The following ATRNL1 variants were observed in gnomAD, a reference collection of about 807,000 sequenced individuals.
ATRNL1 encodes the protein attractin like 1, also known as attractin-like protein 1.
Under a neutral mutation model 182.7 loss-of-function variants are expected in ATRNL1, and 95 were observed. The ratio of observed to expected loss-of-function variants is 0.52; its 90% CI spans 0.44 to 0.62. The LOEUF is 0.62. ATRNL1 is among the 20% of genes least tolerant of loss of function. The pLI is 0.00. For missense variants in ATRNL1, 1,471 were observed against 1,679.5 expected, an observed-to-expected ratio of 0.88 and a Z score of 2.17; for synonymous variants, 576 against 568.3, an observed-to-expected ratio of 1.01 and a Z score of -0.19.
At chr10:115,448,880 A>T (rs1013400519) in intron 21 of ATRNL1, among the ~76,000 whole-genome samples, 1 of 152,102 alleles carries the variant, frequency 6.6e-6, no homozygotes, top group East Asian at 1.9e-4. Context: ...CAACAACAAC[A>T]ACAACAACAA....
chr10:115,390,245 T>C (rs1216725251), intron 19 of ATRNL1, among the ~76,000 whole-genome samples: 1 of 152,200 alleles, frequency 6.6e-6, no homozygotes, highest in Non-Finnish European at 1.5e-5. Context: ...TGCATGTGCT[T>C]TTGGGAAAAC....
chr10:115,651,201 C>A (rs1859975846), intron 26 of ATRNL1, among the ~76,000 whole-genome samples: 1 of 152,084 alleles, frequency 6.6e-6, no homozygotes, highest in Non-Finnish European at 1.5e-5. Context: ...GTGATCCAGT[C>A]TTTTTATTCA....
chr10:115,377,284 C>T (rs1014716844), intron 19 of ATRNL1, among the ~76,000 whole-genome samples: 11 of 152,054 alleles, frequency 7.2e-5, no homozygotes, highest in South Asian at 2.1e-4. Context: ...ATAAGTCTCA[C>T]GAGGTCTGAT....
chr10:115,799,593 T>C (rs1044237814), intron 27 of ATRNL1, among the ~76,000 whole-genome samples: 1 of 152,180 alleles, frequency 6.6e-6, no homozygotes, highest in Non-Finnish European at 1.5e-5. Flanking sequence ...GCCCCAGAAT[T>C]CTGCCCATCA....
chr10:115,930,347 C>T (rs1953357375), intron 28 of ATRNL1, among the ~76,000 whole-genome samples: 1 of 152,052 alleles, frequency 6.6e-6, no homozygotes, highest in African/African-American at 2.4e-5. Flanking sequence ...TAAACCTCTT[C>T]AGGTCGGATC....
intron 26 of ATRNL1, among the ~76,000 whole-genome samples, chr10:115,632,114 G>A (rs1196921397): frequency 6.6e-6 from 1 of 152,020 alleles, no homozygotes; most frequent in Non-Finnish European, 1.5e-5. Context: ...AAAGAAGAAG[G>A]GAAGAATTAA....
At chr10:115,744,767 G>A (rs782274631) in intron 27 of ATRNL1, among the ~76,000 whole-genome samples, 2 of 152,038 alleles carry the variant, frequency 1.3e-5, no homozygotes, top group African/African-American at 2.4e-5. Flanking sequence ...AGCACTGAAC[G>A]ACAATGTGAT....
At chr10:115,811,300 T>C (rs992486049) in intron 27 of ATRNL1, among the ~76,000 whole-genome samples, 2 of 151,978 alleles carry the variant, frequency 1.3e-5, no homozygotes, top group Non-Finnish European at 2.9e-5. Flanking sequence ...TTAAATTTAT[T>C]TTTAGTTTAT....
chr10:115,848,071 C>A (rs575406287), intron 28 of ATRNL1, 80 bp downstream of exon 28: 2 of 794,022 alleles, frequency 2.5e-6, no homozygotes, highest in East Asian at 5.1e-5. Flanking sequence ...CACTAAATAG[C>A]GCAGTAAGGA....
chr10:115,887,558 C>T (rs1951977644), intron 28 of ATRNL1, among the ~76,000 whole-genome samples: 1 of 152,142 alleles, frequency 6.6e-6, no homozygotes, highest in Non-Finnish European at 1.5e-5. Flanking sequence ...CTAAAGGCCT[C>T]ATCTCCTAAT....
chr10:115,806,046 T>C (rs1949913533), intron 27 of ATRNL1, among the ~76,000 whole-genome samples: 2 of 152,146 alleles, frequency 1.3e-5, no homozygotes. Context: ...CTTGCTTTAT[T>C]GATTGTGGGT....
intron 28 of ATRNL1, among the ~76,000 whole-genome samples, chr10:115,891,691 A>G (rs546472302): frequency 3.4e-4 from 51 of 152,070 alleles, no homozygotes; most frequent in Non-Finnish European, 6.8e-4. Context: ...GATAATTTGT[A>G]TCCTTGAAAT....
Position 115,268,854 on chromosome 10 carries a change from G to A in ATRNL1, c.2100+410G>A, listed in dbSNP as rs563691006. On this transcript the variant is annotated intron_variant, in intron 13 of 28. Coordinates refer to ENST00000355044, the MANE Select transcript of ATRNL1 (RefSeq NM_207303.4). ...CTAGTGCTTTGTTTTCACACTTTGT[G>A]TGTAAGTTTAACCTGAGTTTTTGGT... 3.3e-5 allele frequency among the ~76,000 whole-genome samples: 5 copies of A among 152,292 alleles called. No homozygotes were observed. The South Asian group carries it at 8.3e-4, about 25-fold the overall frequency.
intron 8 of ATRNL1, among the ~76,000 whole-genome samples, chr10:115,208,650 G>A (rs1554894339): frequency 6.6e-6 from 1 of 151,988 alleles, no homozygotes; most frequent in African/African-American, 2.4e-5. Context: ...GTTGCTTGGA[G>A]CACAAACTGT....
In ATRNL1 at chr10:115,590,233, G is replaced by A. The variant is rs148569405; in HGVS notation, c.3795+40697G>A. Among the ~76,000 whole-genome samples the A allele has an allele frequency of 4.5e-4, 68 of 152,222 alleles. 1 individual carries two copies. In the East Asian group the frequency reaches 0.012, roughly 26 times the overall value. On this transcript the variant is annotated intron_variant, in intron 26 of 28. Coordinates refer to ENST00000355044, the MANE Select transcript of ATRNL1 (RefSeq NM_207303.4). ...GAGACTAATTTGAAATGAATACATA[G>A]CCTAACAAGATGAGTAGGTTTATTT...
chr10:115,478,272 C>G (rs1379450314), intron 24 of ATRNL1, among the ~76,000 whole-genome samples: 3 of 151,718 alleles, frequency 2.0e-5, no homozygotes, highest in African/African-American at 4.8e-5. Flanking sequence ...AAACCCTGTA[C>G]TCAGGGCTTC....
chr10:115,318,732 GT>G (rs1854432624), intron 18 of ATRNL1, among the ~76,000 whole-genome samples: 2 of 151,976 alleles, frequency 1.3e-5, no homozygotes, highest in African/African-American at 4.8e-5. Flanking sequence ...GGGGTCAGTG[GT>G]CATATCCCCT....
chr10:115,627,009 G>T (rs1054545411), intron 26 of ATRNL1, among the ~76,000 whole-genome samples: 15 of 152,274 alleles, frequency 9.9e-5, no homozygotes, highest in Admixed American at 9.2e-4. Flanking sequence ...GCACATAAAT[G>T]AGGTAATTTT....
At chr10:115,831,497 A>G (rs1950559111) in intron 27 of ATRNL1, among the ~76,000 whole-genome samples, 1 of 152,148 alleles carries the variant, frequency 6.6e-6, no homozygotes, top group Admixed American at 6.5e-5. Flanking sequence ...ACCTGAGCTC[A>G]TGAGAAAATC....
Sources: gnomAD v4.1 joint callset for allele counts (sites outside exome capture counted in the v4.1 genomes callset) on GRCh38, gnomAD v4.1.1 for gene constraint, MANE v1.5 for transcripts, NCBI Gene and HGNC (gene_info 2026-07-23, HGNC 2026-07-21) for gene names.